The following ABCA12 variants were observed in gnomAD, a reference collection of about 807,000 sequenced individuals.
ABCA12 encodes the protein ATP binding cassette subfamily A member 12, also known as glucosylceramide transporter ABCA12.
In ABCA12, 156 loss-of-function variants were observed where a neutral mutation model predicts 293.5. That is an observed-to-expected ratio of 0.53 (90% CI 0.47 to 0.61). The LOEUF (loss-of-function observed/expected upper bound fraction) is 0.61. Among genes scored for constraint, ABCA12 ranks in the 20% least tolerant of loss-of-function variants. The probability of loss-of-function intolerance (pLI) is 0.00; values close to 1 mark genes in which losing one functional copy is unlikely to be tolerated. For missense variants in ABCA12, 2,797 were observed against 3,090.2 expected, an observed-to-expected ratio of 0.91 and a Z score of 2.25; for synonymous variants, 1,063 against 1,108.0, an observed-to-expected ratio of 0.96 and a Z score of 0.81.
chr2:215,097,481 A>G lies in ABCA12; in HGVS notation c.163+14116T>C, dbSNP rs542231364. Among the ~76,000 whole-genome samples, 7 of 152,204 alleles carry G rather than the reference A, an allele frequency of 4.6e-5. No individual in the cohort carries two copies. In the South Asian group the frequency reaches 1.5e-3, roughly 32 times the overall value. ...GTTCTTTCCCTTTAGAGTCCACATG[A>G]TGCTATAATAAATAAATATTTGCTT... On this transcript the variant is annotated intron_variant, in intron 2 of 52. Transcript: ENST00000272895.
intron 28 of ABCA12, 75 bp from the exon 29 acceptor site, chr2:214,983,940 T>C (rs1699728005): frequency 7.5e-7 from 1 of 1,337,800 alleles, no homozygotes; most frequent in Admixed American, 2.0e-5. Context: ...TATATCTCAG[T>C]TGTTAGAAGG....
intron 45 of ABCA12, among the ~76,000 whole-genome samples, chr2:214,949,548 C>T (rs1192569134): frequency 6.6e-6 from 1 of 152,096 alleles, no homozygotes; most frequent in Non-Finnish European, 1.5e-5. Context: ...ACTGAATAAA[C>T]TATCGCGGCA....
At chr2:215,108,894 C>T (rs986847879) in intron 2 of ABCA12, among the ~76,000 whole-genome samples, 4 of 151,936 alleles carry the variant, frequency 2.6e-5, no homozygotes, top group African/African-American at 9.7e-5. Flanking sequence ...TGGTGAAACC[C>T]CCGTCTCTAC....
intron 5 of ABCA12, among the ~76,000 whole-genome samples, chr2:215,051,723 T>C (rs750382416): frequency 6.6e-6 from 1 of 151,054 alleles, no homozygotes; most frequent in Non-Finnish European, 1.5e-5. Flanking sequence ...ATGCCAAATG[T>C]TGAAAATGAA....
In ABCA12 at chr2:215,006,915, C is replaced by T. The variant is rs966795229; in HGVS notation, c.2592+812G>A. 4.1e-4 allele frequency among the ~76,000 whole-genome samples: 47 copies of T among 113,994 alleles called. 1 individual carries two copies. In the South Asian group the frequency reaches 9.1e-3, roughly 22 times the overall value. The allele number at this position is 113,994 out of a possible 152,430, so 74.8% of individuals were successfully genotyped here. ...TTTGAGATGGAGTTTTGCTCTTGTT[C>T]TCCAGGCTGGAGTGCAGTGGCGCAA... On this transcript the variant is annotated intron_variant, in intron 19 of 52. Transcript: ENST00000272895.
chr2:215,130,181 C>T (rs1417123483), intron 1 of ABCA12, among the ~76,000 whole-genome samples: 3 of 151,180 alleles, frequency 2.0e-5, no homozygotes, highest in African/African-American at 7.3e-5. Context: ...TTGTCCTTTT[C>T]CTTAGGAGTA....
At chr2:215,121,699 G>A (rs1176211498) in intron 1 of ABCA12, among the ~76,000 whole-genome samples, 1 of 152,108 alleles carries the variant, frequency 6.6e-6, no homozygotes. Context: ...ATGTGTTGTG[G>A]AAGGAAACCA....
At chr2:215,093,974 T>C (rs1034839596) in intron 2 of ABCA12, among the ~76,000 whole-genome samples, 2 of 152,202 alleles carry the variant, frequency 1.3e-5, no homozygotes, top group Middle Eastern at 3.2e-3. Flanking sequence ...GCCTAATAGC[T>C]ACTCACCAGC....
chr2:215,052,490 T>A lies in ABCA12; in HGVS notation c.504A>T (p.Glu168Asp). ...TTACAAAATTGAATCAAGTTACCTT[T>A]TCCAAGCCAAGAATTCGTGCGAGCA... ...SQVLARILGL[E>D]KLLKQNSTSE... Residue 168 changes from glutamate to aspartate, a missense_variant, in exon 5 of 53, where the codon GAA (glutamate) becomes GAT (aspartate). Transcript: ENST00000272895. 6.2e-7 allele frequency: 1 copy of A among 1,612,224 alleles called. No individual in the cohort carries two copies. Among genetic ancestry groups the A allele is most frequent in the East Asian group, 2.2e-5 (1 of 44,808 alleles).
chr2:215,085,855 G>A (rs1243160977), intron 2 of ABCA12, among the ~76,000 whole-genome samples: 1 of 152,104 alleles, frequency 6.6e-6, no homozygotes, highest in African/African-American at 2.4e-5. Context: ...AAATACATAG[G>A]CACTTGAAGA....
intron 1 of ABCA12, among the ~76,000 whole-genome samples, chr2:215,128,174 T>A (rs1702968603): frequency 6.6e-6 from 1 of 152,228 alleles, no homozygotes; most frequent in Non-Finnish European, 1.5e-5. Context: ...CTGCTGTTGA[T>A]CTGGTAAGTT....
intron 1 of ABCA12, among the ~76,000 whole-genome samples, chr2:215,118,098 A>C (rs956572686): frequency 3.3e-5 from 5 of 152,080 alleles, no homozygotes; most frequent in Non-Finnish European, 7.4e-5. Context: ...GAGGCTGGTT[A>C]TGTCAAAAAT....
rs1232994666 is a variant in ABCA12, at chr2:214,975,964, G to C, written c.5202C>G (p.Ile1734Met). 6.2e-7 allele frequency: 1 copy of C among 1,613,948 alleles called. No homozygotes were observed. The highest frequency in any genetic ancestry group is 8.5e-7 in the Non-Finnish European group (1 of 1,179,994). ...TCCTGCGGGTGTGGTGGAACCTCTT[G>C]ATGAGTATAGCCATGATCTTCTTCA... ...LLLKKIMAIL[I>M]KRFHHTRRNW... Residue 1734 changes from isoleucine (I) to methionine (M), a missense_variant, in exon 34 of 53, where the codon ATC becomes ATG. Transcript: ENST00000272895.
At chr2:214,981,771 T>C (rs1259390763) in intron 30 of ABCA12, among the ~76,000 whole-genome samples, 1 of 141,282 alleles carries the variant, frequency 7.1e-6, no homozygotes, top group Non-Finnish European at 1.5e-5. Context: ...GTTTTTTTTT[T>C]TTTTTTTTTT....
At chr2:215,009,405 T>C (rs910674601) in intron 18 of ABCA12, among the ~76,000 whole-genome samples, 1 of 152,084 alleles carries the variant, frequency 6.6e-6, no homozygotes, top group Non-Finnish European at 1.5e-5. Flanking sequence ...CAAACCCCCA[T>C]GACAGAAGTG....
chr2:215,132,601 T>C (rs1363710159), intron 1 of ABCA12, among the ~76,000 whole-genome samples: 1 of 152,048 alleles, frequency 6.6e-6, no homozygotes, highest in African/African-American at 2.4e-5. Context: ...TATCTTTTTC[T>C]ACCTTTTTAC....
At chr2:214,995,883 T>C (rs540994667) in intron 23 of ABCA12, among the ~76,000 whole-genome samples, 1 of 152,236 alleles carries the variant, frequency 6.6e-6, no homozygotes, top group East Asian at 1.9e-4. Context: ...TATGAATAAT[T>C]GAGCTCCTCT....
chr2:214,991,055 C>T (rs368525212), intron 23 of ABCA12, 24 bp from the exon 24 acceptor site: 105 of 1,595,554 alleles, frequency 6.6e-5, no homozygotes, highest in African/African-American at 2.5e-4. Flanking sequence ...AAATGTGAGG[C>T]GCTTGTTATG....
At chr2:215,016,265 A>C (rs960909535) in intron 14 of ABCA12, among the ~76,000 whole-genome samples, 1 of 151,206 alleles carries the variant, frequency 6.6e-6, no homozygotes, top group Non-Finnish European at 1.5e-5. Context: ...GTTTGGAGTA[A>C]GTTTGGGGAA....
Sources: gnomAD v4.1 joint callset for allele counts (sites outside exome capture counted in the v4.1 genomes callset) on GRCh38, gnomAD v4.1.1 for gene constraint, MANE v1.5 for transcripts, NCBI Gene and HGNC (gene_info 2026-07-23, HGNC 2026-07-21) for gene names.